MMP20: variants seen among roughly 807,000 people sequenced by gnomAD.
The protein encoded by MMP20 is matrix metalloproteinase-20.
A neutral mutation model predicts 51.8 loss-of-function variants in MMP20; 50 were observed. That is an observed-to-expected ratio of 0.97 (90% CI 0.77 to 1.22). The LOEUF (loss-of-function observed/expected upper bound fraction) is 1.22, where lower values mean the gene tolerates loss of function less well. Ranked by LOEUF, MMP20 falls within the 50% of genes most tolerant of loss-of-function variation. MMP20 has a pLI of 0.00. For synonymous variants in MMP20, 244 were observed against 216.2 expected (o/e 1.13, Z -1.13); for missense variants, 663 against 601.4 (o/e 1.10, Z -1.07).
At chr11:102,623,504 A>C (rs889651749) in intron 1 of MMP20, among the ~76,000 whole-genome samples, 1 of 152,218 alleles carries the variant, frequency 6.6e-6, no homozygotes, top group South Asian at 2.1e-4. Flanking sequence ...GTTTCGTCCC[A>C]AAACCATCAC....
chr11:102,601,521 T>C (rs1169490018), intron 6 of MMP20, among the ~76,000 whole-genome samples: 1 of 152,202 alleles, frequency 6.6e-6, no homozygotes, highest in South Asian at 2.1e-4. Flanking sequence ...GCTCATTCTT[T>C]AGACTTTTTT....
chr11:102,615,002 G>A (rs1383523607), intron 2 of MMP20, among the ~76,000 whole-genome samples: 1 of 149,246 alleles, frequency 6.7e-6, no homozygotes. Flanking sequence ...TGAAATAAGA[G>A]GCAATATGTT....
intron 7 of MMP20, among the ~76,000 whole-genome samples, chr11:102,594,059 G>C (rs1005154437): frequency 6.6e-6 from 1 of 152,112 alleles, no homozygotes; most frequent in African/African-American, 2.4e-5. Flanking sequence ...TTGTCACAAC[G>C]CACCTTCAAG....
intron 3 of MMP20, among the ~76,000 whole-genome samples, 157 bp from the exon 4 acceptor site, chr11:102,610,187 G>C (rs921901561): frequency 6.6e-6 from 1 of 152,126 alleles, no homozygotes; most frequent in Non-Finnish European, 1.5e-5. Context: ...TTGTCAATGA[G>C]TAACAGCCCA....
intron 1 of MMP20, 37 bp from the exon 2 acceptor site, chr11:102,617,096 A>C: frequency 6.2e-7 from 1 of 1,613,788 alleles, no homozygotes. Flanking sequence ...TCTACAGCGT[A>C]GTCTGGGAAA....
At position 102,593,433 on chromosome 11, in the gene MMP20, C is replaced by T. The variant is rs551438274; in HGVS notation, c.1247+6G>A. 1.2e-6 allele frequency: 2 copies of T among 1,613,184 alleles called. No homozygotes were observed. The highest frequency in any genetic ancestry group is 3.3e-5 in the Admixed American group (2 of 59,946). On this transcript the variant is annotated splice_donor_region_variant and intron_variant, in intron 8 of 9. Coordinates refer to ENST00000260228, the MANE Select transcript of MMP20 (RefSeq NM_004771.4). ...AGATAGATAGTAAAAAGGAAAAAAG[C>T]CATACCTGTAGTATTCATCTCCCAC...
intron 5 of MMP20, among the ~76,000 whole-genome samples, chr11:102,608,588 C>A (rs917713483): frequency 1.3e-5 from 2 of 152,136 alleles, no homozygotes; most frequent in Admixed American, 1.3e-4. Context: ...GAGATAAGGT[C>A]ACTTATCTGC....
chr11:102,594,520 T>C, intron 7 of MMP20, 101 bp downstream of exon 7: 1 of 1,471,634 alleles, frequency 6.8e-7, no homozygotes, highest in Non-Finnish European at 9.4e-7. Flanking sequence ...AACTGAAATG[T>C]GCTCCATGAT....
chr11:102,593,275 T>C (rs1021001030), intron 8 of MMP20, among the ~76,000 whole-genome samples, 164 bp downstream of exon 8: 3 of 152,212 alleles, frequency 2.0e-5, no homozygotes, highest in Non-Finnish European at 2.9e-5. Flanking sequence ...GATGGTTCCA[T>C]ATCTTGAAGA....
In MMP20 at chr11:102,577,232, G is replaced by T; in HGVS notation, c.*94C>A. The T allele has an allele frequency of 1.2e-6, 1 of 830,030 alleles. No homozygotes were observed. The highest frequency in any genetic ancestry group is 2.1e-6 in the Non-Finnish European group (1 of 476,966). 51.4% of individuals were successfully genotyped at this position (830,030 alleles called of 1,614,324 possible). ...TAATTTGATTTGAAGGCCTTTGGAA[G>T]AATCCCTCTCCTACATTCTGCTTTA... On this transcript the variant is annotated 3_prime_UTR_variant, in exon 10 of 10. Coordinates refer to ENST00000260228, the MANE Select transcript of MMP20 (RefSeq NM_004771.4).
intron 6 of MMP20, among the ~76,000 whole-genome samples, chr11:102,601,318 G>C (rs539706583): frequency 3.1e-5 from 2 of 63,868 alleles, no homozygotes; most frequent in Non-Finnish European, 7.5e-5. Context: ...ATTTTTAGTA[G>C]AGACGGGGTT....
At chr11:102,608,299 T>C (rs1213169027) in intron 5 of MMP20, among the ~76,000 whole-genome samples, 4 of 152,256 alleles carry the variant, frequency 2.6e-5, no homozygotes, top group Non-Finnish European at 5.9e-5. Flanking sequence ...AATTGGTTTG[T>C]TTTTCCCTTA....
At chr11:102,611,122 G>A (rs1859593357) in intron 3 of MMP20, among the ~76,000 whole-genome samples, 1 of 152,152 alleles carries the variant, frequency 6.6e-6, no homozygotes, top group Non-Finnish European at 1.5e-5. Flanking sequence ...TCCTAAGCAT[G>A]TTTTCCCCCC....
chr11:102,596,070 C>T (rs972863786), intron 6 of MMP20, among the ~76,000 whole-genome samples: 5 of 152,168 alleles, frequency 3.3e-5, no homozygotes, highest in South Asian at 2.1e-4. Flanking sequence ...AAGAAGATGT[C>T]GGCCCTGCCC....
At position 102,616,862 on chromosome 11, in the gene MMP20, A is replaced by G. The variant is rs559904677; in HGVS notation, c.324T>C (p.Tyr108=). Residue 108 remains tyrosine (Y), a synonymous_variant, in exon 2 of 10, where the codon TAT becomes TAC. Transcript: ENST00000260228. The stretch of plus-strand genomic sequence containing the variant: ...ATTTGGGTTCACCAGGGAAGAGGCG[A>G]TAATTGGCCACATCAGGAACTCCAC... ...PRCGVPDVAN[Y]RLFPGEPKWK... 1 of 1,614,194 alleles carries G rather than the reference A, an allele frequency of 6.2e-7. No homozygotes were observed. Among genetic ancestry groups the G allele is most frequent in the East Asian group, 2.2e-5 (1 of 44,888 alleles).
intron 7 of MMP20, among the ~76,000 whole-genome samples, chr11:102,594,163 G>A (rs1300482978): frequency 6.6e-6 from 1 of 152,228 alleles, no homozygotes; most frequent in African/African-American, 2.4e-5. Context: ...AAGGGCTAGA[G>A]CCAGAGATTG....
intron 6 of MMP20, among the ~76,000 whole-genome samples, chr11:102,602,116 A>ATTTTTTTTTTTTTTTTTTT (rs10593493): frequency 1.8e-5 from 2 of 109,662 alleles, no homozygotes; most frequent in African/African-American, 7.6e-5. Flanking sequence ...CGCCCGGCTA[A>ATTTTTTTTTTTTTTTTTTT]TTTTTTTTTT....
At chr11:102,587,055 A>AT (rs1336430725) in intron 8 of MMP20, among the ~76,000 whole-genome samples, 1 of 151,158 alleles carries the variant, frequency 6.6e-6, no homozygotes, top group Admixed American at 6.6e-5. Flanking sequence ...TTGATTTGAG[A>AT]TTTTTCTCCT....
chr11:102,606,003 A>C (rs1220277152), intron 6 of MMP20, among the ~76,000 whole-genome samples: 1 of 152,048 alleles, frequency 6.6e-6, no homozygotes, highest in Non-Finnish European at 1.5e-5. Context: ...TTATCTACCC[A>C]CCTATCTATC....
Sources: gnomAD v4.1 joint callset for allele counts (sites outside exome capture counted in the v4.1 genomes callset) on GRCh38, gnomAD v4.1.1 for gene constraint, MANE v1.5 for transcripts, NCBI Gene and HGNC (gene_info 2026-07-23, HGNC 2026-07-21) for gene names.